The following MSH3 variants were observed in gnomAD, a reference collection of about 807,000 sequenced individuals.
MSH3 encodes the protein DNA mismatch repair protein Msh3.
A neutral mutation model predicts 123.3 loss-of-function variants in MSH3; 106 were observed. The ratio of observed to expected loss-of-function variants is 0.86; its 90% CI spans 0.73 to 1.01. The LOEUF is 1.01. MSH3 is among the 50% of genes least tolerant of loss of function. The pLI is 0.00. For missense variants in MSH3, 1,459 were observed against 1,347.6 expected, an observed-to-expected ratio of 1.08 and a Z score of -1.29; for synonymous variants, 515 against 481.4, an observed-to-expected ratio of 1.07 and a Z score of -0.91.
intron 8 of MSH3, among the ~76,000 whole-genome samples, chr5:80,716,906 A>G (rs1383637248): frequency 6.6e-6 from 1 of 152,010 alleles, no homozygotes; most frequent in East Asian, 1.9e-4. Flanking sequence ...CCATTATTCT[A>G]CCTCTATGAG....
At chr5:80,872,060 T>C (rs1388052533) in intron 22 of MSH3, among the ~76,000 whole-genome samples, 1 of 152,222 alleles carries the variant, frequency 6.6e-6, no homozygotes, top group East Asian at 1.9e-4. Flanking sequence ...TGGGTGGTAC[T>C]GAACAGAATC....
chr5:80,871,207 GT>G (rs1746207600), intron 22 of MSH3, among the ~76,000 whole-genome samples: 1 of 152,204 alleles, frequency 6.6e-6, no homozygotes, highest in South Asian at 2.1e-4. Flanking sequence ...TGAGGCTAGA[GT>G]GGTCCTTCAG....
intron 21 of MSH3, among the ~76,000 whole-genome samples, chr5:80,857,729 GTA>G (rs1745943338): frequency 6.6e-6 from 1 of 152,004 alleles, no homozygotes; most frequent in Admixed American, 6.5e-5. Flanking sequence ...CACGGCATCC[GTA>G]GTGTTGTCCT....
chr5:80,781,494 T>C (rs1259422324), intron 17 of MSH3, among the ~76,000 whole-genome samples: 3 of 145,072 alleles, frequency 2.1e-5, no homozygotes, highest in Admixed American at 6.9e-5. Context: ...TTTTTTTTTT[T>C]CCTCGCTCTG....
At chr5:80,781,283 A>G (rs945321827) in intron 17 of MSH3, among the ~76,000 whole-genome samples, 1 of 152,222 alleles carries the variant, frequency 6.6e-6, no homozygotes, top group Admixed American at 6.5e-5. Context: ...AAGGACTCAC[A>G]TTCTAGAAGG....
chr5:80,744,301 A>G (rs1743674148), intron 11 of MSH3, among the ~76,000 whole-genome samples: 1 of 152,098 alleles, frequency 6.6e-6, no homozygotes, highest in African/African-American at 2.4e-5. Context: ...TTTGGTAACC[A>G]AAAACTATAA....
At position 80,654,912 on chromosome 5, in the gene MSH3, C is replaced by CG. The variant is rs1385790326; in HGVS notation, c.186dup (p.Pro63AlafsTer22). 1 of 1,498,770 alleles carries CG rather than the reference C, an allele frequency of 6.7e-7. No homozygotes were observed. The highest frequency in any genetic ancestry group is 8.8e-7 in the Non-Finnish European group (1 of 1,131,594). The allele number at this position is 1,498,770 out of a possible 1,614,324, so 92.8% of individuals were successfully genotyped here. A position where few individuals can be genotyped will look rare whatever the true frequency, so the allele number is the denominator to read the frequency against. ...GCTGCAGCGGCCGCAGCGGCCGCAG[C>CG]GCCCCCAGCGCCCCCAGCTCCCGCC... On this transcript the variant is annotated frameshift_variant, in exon 1 of 24. Coordinates refer to ENST00000265081, the MANE Select transcript of MSH3 (RefSeq NM_002439.5). LOFTEE classifies it high-confidence loss of function.
chr5:80,672,110 G>A, intron 4 of MSH3, 134 bp from the exon 5 acceptor site: 1 of 706,568 alleles, frequency 1.4e-6, no homozygotes, highest in South Asian at 1.9e-5. Flanking sequence ...ACTTTTTATT[G>A]ACATAGTACA....
chr5:80,680,787 C>G (rs1174616606), intron 8 of MSH3, among the ~76,000 whole-genome samples: 2 of 152,064 alleles, frequency 1.3e-5, no homozygotes, highest in Non-Finnish European at 2.9e-5. Context: ...TAGGGAGCAT[C>G]AGTTTATCCT....
chr5:80,802,589 ACT>A (rs776766653), intron 19 of MSH3, among the ~76,000 whole-genome samples: 20 of 151,852 alleles, frequency 1.3e-4, no homozygotes, highest in Non-Finnish European at 2.8e-4. Context: ...ATCCAGTTAT[ACT>A]CTTAGTTATT....
intron 10 of MSH3, among the ~76,000 whole-genome samples, chr5:80,739,066 T>C (rs1743565126): frequency 6.6e-6 from 1 of 152,228 alleles, no homozygotes; most frequent in Non-Finnish European, 1.5e-5. Context: ...TTCTGAGGTA[T>C]TCTGTTATAA....
At chr5:80,710,387 G>T (rs1750835646) in intron 8 of MSH3, among the ~76,000 whole-genome samples, 1 of 152,140 alleles carries the variant, frequency 6.6e-6, no homozygotes, top group Non-Finnish European at 1.5e-5. Context: ...TGCAAAAGGG[G>T]TAATATTTTA....
Position 80,685,475 on chromosome 5 carries a change from C to A in MSH3, c.1340+6382C>A, listed in dbSNP as rs1750067638. 2.0e-5 allele frequency among the ~76,000 whole-genome samples: 3 copies of A among 152,116 alleles called. No homozygotes were observed. In the Middle Eastern group the frequency reaches 0.01, roughly 517 times the overall value. On this transcript the variant is annotated intron_variant, in intron 8 of 23. Transcript: ENST00000265081. ...GGCATATGGTTGCTCATAGTAACCACTAATGATCCTTTGAATTCCTGTAGT... is the reference window on the plus strand; with the variant it reads ...GGCATATGGTTGCTCATAGTAACCAATAATGATCCTTTGAATTCCTGTAGT...
intron 21 of MSH3, among the ~76,000 whole-genome samples, chr5:80,862,549 G>C (rs1746031624): frequency 6.6e-6 from 1 of 152,004 alleles, no homozygotes; most frequent in Non-Finnish European, 1.5e-5. Flanking sequence ...CTTGAGCCCA[G>C]GTTCAAGACC....
At chr5:80,815,565 AT>A (rs1214883822) in intron 20 of MSH3, among the ~76,000 whole-genome samples, 1 of 152,176 alleles carries the variant, frequency 6.6e-6, no homozygotes, top group Non-Finnish European at 1.5e-5. Context: ...TGGCTCTGCC[AT>A]TTCACTGGCC....
intron 8 of MSH3, among the ~76,000 whole-genome samples, chr5:80,688,068 C>T (rs769644495): frequency 5.3e-5 from 8 of 152,126 alleles, no homozygotes; most frequent in Admixed American, 1.3e-4. Context: ...ATTATTGACT[C>T]TGTTATAGTT....
At chr5:80,678,714 G>A (rs1440092892) in intron 7 of MSH3, among the ~76,000 whole-genome samples, 1 of 152,018 alleles carries the variant, frequency 6.6e-6, no homozygotes, top group South Asian at 2.1e-4. Context: ...GGCGGCTCTC[G>A]GAAATCTGAT....
At chr5:80,808,884 C>CTATATATATATATATATAT (rs1561485262) in intron 19 of MSH3, among the ~76,000 whole-genome samples, 1 of 118,676 alleles carries the variant, frequency 8.4e-6, no homozygotes, top group Non-Finnish European at 1.8e-5. Flanking sequence ...TATATATATA[C>CTATATATATATATATATAT]ACAATCTAAA....
In MSH3 at chr5:80,836,543, C is replaced by CAAAAAA. The variant is rs71603568; in HGVS notation, c.2814-17569_2814-17564dup. On this transcript the variant is annotated intron_variant, in intron 20 of 23. Coordinates refer to ENST00000265081, the MANE Select transcript of MSH3 (RefSeq NM_002439.5). ...TCACATCAGCTCTTTGAATATGCCA[C>CAAAAAA]AAAAAAAAAAAAAAAAAAAAAAAGC... Among the ~76,000 whole-genome samples, 470 of 118,616 alleles carry CAAAAAA rather than the reference C, an allele frequency of 4.0e-3. 2 individuals are homozygous for CAAAAAA. The highest frequency in any genetic ancestry group is 5.2e-3 in the East Asian group (20 of 3,850). The allele number at this position is 118,616 out of a possible 152,430, so 77.8% of individuals were successfully genotyped here. A position where few individuals can be genotyped will look rare whatever the true frequency, so the allele number is the denominator to read the frequency against.
Sources: allele counts gnomAD v4.1 joint callset (sites outside exome capture counted in the v4.1 genomes callset), GRCh38; gene constraint gnomAD v4.1.1; transcripts MANE v1.5; gene names NCBI Gene and HGNC (gene_info 2026-07-23, HGNC 2026-07-21).